Variants in ADCY1 observed in about 807,000 individuals in gnomAD.
The protein encoded by ADCY1 is adenylate cyclase type 1.
A neutral mutation model predicts 105.4 loss-of-function variants in ADCY1; 28 were observed. The observed-to-expected ratio is 0.27, with a 90% CI of 0.20 to 0.36. The LOEUF (loss-of-function observed/expected upper bound fraction) is 0.36. ADCY1 is among the 10% of genes least tolerant of loss of function. ADCY1 has a pLI of 1.00. For synonymous variants in ADCY1, 655 were observed against 623.8 expected (o/e 1.05, Z -0.75); for missense variants, 977 against 1,434.2 (o/e 0.68, Z 5.15).
At chr7:45,602,257 G>C (rs1179607707) in intron 2 of ADCY1, among the ~76,000 whole-genome samples, 2 of 151,842 alleles carry the variant, frequency 1.3e-5, no homozygotes, top group Non-Finnish European at 2.9e-5. Flanking sequence ...GGGGCTTCAG[G>C]GTGTTCATGG....
chr7:45,664,446 C>T, intron 8 of ADCY1: 2 of 1,531,160 alleles, frequency 1.3e-6, no homozygotes, highest in African/African-American at 1.4e-5. Context: ...GCCCTTATCC[C>T]CCAGGGCATT....
Position 45,699,342 on chromosome 7 carries a change from C to T in ADCY1, c.2455-4034C>T, listed in dbSNP as rs914665582. On this transcript the variant is annotated intron_variant, in intron 14 of 19. Transcript: ENST00000297323. ...TTTTCATTCAACGTATGTTGTCCAG[C>T]GGCTTGAGGGTTTGAGGTTGGGTGA... 8.5e-5 allele frequency among the ~76,000 whole-genome samples: 13 copies of T among 152,236 alleles called. No homozygotes were observed. In the East Asian group the frequency reaches 9.7e-4, roughly 11 times the overall value.
rs185908037 is a variant in ADCY1, at chr7:45,656,281, C to A, written c.1149-1446C>A. On this transcript the variant is annotated intron_variant, in intron 5 of 19. Coordinates refer to ENST00000297323, the MANE Select transcript of ADCY1 (RefSeq NM_021116.4). Reference sequence around the variant, plus strand: ...TAGCGCCACTGCACTGCAGCCTGGGCGACAGAGCGAAACTCCGTCTCAAAA... The same window carrying A: ...TAGCGCCACTGCACTGCAGCCTGGGAGACAGAGCGAAACTCCGTCTCAAAA... 4.7e-5 allele frequency among the ~76,000 whole-genome samples: 7 copies of A among 149,916 alleles called. No homozygotes were observed. In the East Asian group the frequency reaches 1.4e-3, roughly 29 times the overall value.
chr7:45,580,706 C>T (rs1355407271), intron 1 of ADCY1, among the ~76,000 whole-genome samples: 2 of 152,190 alleles, frequency 1.3e-5, no homozygotes, highest in Non-Finnish European at 2.9e-5. Context: ...GGGGCGAGTC[C>T]CGCAAAGGCC....
intron 4 of ADCY1, among the ~76,000 whole-genome samples, chr7:45,626,851 A>G (rs1794072881): frequency 6.6e-6 from 1 of 152,186 alleles, no homozygotes; most frequent in Non-Finnish European, 1.5e-5. Context: ...TAGTGCACTA[A>G]TGCCACCACA....
chr7:45,634,002 A>C (rs1290304727), intron 4 of ADCY1, among the ~76,000 whole-genome samples: 1 of 152,080 alleles, frequency 6.6e-6, no homozygotes, highest in African/African-American at 2.4e-5. Context: ...AAAGTTATAC[A>C]TGGATTTTCA....
chr7:45,717,243 C>G lies in ADCY1; in HGVS notation c.*3248C>G, dbSNP rs1785375656. On this transcript the variant is annotated 3_prime_UTR_variant, in exon 20 of 20. Transcript: ENST00000297323. ...CATGCTGCCTTCTCTGGGCTCACGA[C>G]TGTTCTGGAAAGGACCCCATGGCAG... The G allele has an allele frequency of 6.6e-6, 1 of 152,202 alleles. No individual in the cohort carries two copies. Among genetic ancestry groups the G allele is most frequent in the South Asian group, 2.1e-4 (1 of 4,830 alleles). The allele number at this position is 152,202 out of a possible 1,614,324, so 9.4% of individuals were successfully genotyped here. A position where few individuals can be genotyped will look rare whatever the true frequency, so the allele number is the denominator to read the frequency against.
chr7:45,639,160 G>T (rs566223217), intron 4 of ADCY1, among the ~76,000 whole-genome samples: 55 of 152,324 alleles, frequency 3.6e-4, no homozygotes, highest in African/African-American at 1.3e-3. Flanking sequence ...GAACATGTTT[G>T]CCTTAGTCTC....
chr7:45,614,947 T>C (rs1163534966), intron 3 of ADCY1, among the ~76,000 whole-genome samples: 1 of 152,258 alleles, frequency 6.6e-6, no homozygotes, highest in Admixed American at 6.5e-5. Flanking sequence ...TTCAGTAGTC[T>C]ATTTTTGATA....
intron 2 of ADCY1, among the ~76,000 whole-genome samples, chr7:45,603,124 A>G (rs919434562): frequency 1.3e-5 from 2 of 152,248 alleles, no homozygotes; most frequent in African/African-American, 4.8e-5. Flanking sequence ...CATCCAGATC[A>G]TAGCATGTTT....
chr7:45,633,759 G>T (rs750687815), intron 4 of ADCY1, among the ~76,000 whole-genome samples: 8 of 142,480 alleles, frequency 5.6e-5, no homozygotes, highest in Non-Finnish European at 1.0e-4. Context: ...CCGAGATCGT[G>T]CCACTGCACT....
intron 14 of ADCY1, among the ~76,000 whole-genome samples, chr7:45,691,541 T>C (rs976400708): frequency 1.3e-5 from 2 of 152,258 alleles, no homozygotes; most frequent in Non-Finnish European, 2.9e-5. Context: ...CACAAACAGA[T>C]AGGCTTTTCC....
At chr7:45,596,325 T>TG (rs1793071204) in intron 2 of ADCY1, among the ~76,000 whole-genome samples, 1 of 149,694 alleles carries the variant, frequency 6.7e-6, no homozygotes, top group East Asian at 2.0e-4. Flanking sequence ...GGGAGTGGAT[T>TG]GGGGGATGCA....
chr7:45,675,978 C>T (rs1034355827), intron 8 of ADCY1, among the ~76,000 whole-genome samples: 8 of 151,760 alleles, frequency 5.3e-5, no homozygotes, highest in East Asian at 3.9e-4. Context: ...TTCTTCCTTT[C>T]GGGACTCTGA....
intron 4 of ADCY1, among the ~76,000 whole-genome samples, chr7:45,623,452 C>T (rs1208756223): frequency 6.6e-6 from 1 of 152,220 alleles, no homozygotes; most frequent in Non-Finnish European, 1.5e-5. Flanking sequence ...GAGGGGCTGC[C>T]ACTGTCCCCC....
chr7:45,686,652 G>A lies in ADCY1; in HGVS notation c.2433G>A (p.Leu811=). ...HARQVDIRLR[L]DYLWAAQAEE... ...GGCAGGTGGACATCAGGCTGAGGCT[G>A]GACTACCTCTGGGCCGCACAGGCAA... Residue 811 remains leucine, a synonymous_variant, in exon 14 of 20, where the codon CTG becomes CTA. Coordinates refer to ENST00000297323, the MANE Select transcript of ADCY1 (RefSeq NM_021116.4). This position sits in a 1 kb window ranked among gnomAD's most constrained non-coding sequence, Gnocchi z 4.3. The A allele has an allele frequency of 1.2e-6, 2 of 1,612,418 alleles. No homozygotes were observed. The highest frequency in any genetic ancestry group is 2.2e-5 in the East Asian group (1 of 44,838).
intron 8 of ADCY1, among the ~76,000 whole-genome samples, chr7:45,673,652 C>T (rs1326944270): frequency 1.3e-5 from 2 of 151,778 alleles, no homozygotes; most frequent in Non-Finnish European, 2.9e-5. Context: ...AGTGTCTTTT[C>T]ACTCTTATTT....
At position 45,679,718 on chromosome 7, in the gene ADCY1, C is replaced by T. The variant is rs966363789; in HGVS notation, c.1908C>T (p.Val636=). 9.3e-6 allele frequency: 15 copies of T among 1,614,078 alleles called. No homozygotes were observed. Among genetic ancestry groups the T allele is most frequent in the African/African-American group, 4.0e-5 (3 of 74,930 alleles). ...GTTTTCTGTCCCCCAGGAGTGTGGT[C>T]GTCCTGCTCCTGCTAGTATTCTGCA... is the stretch of plus-strand genomic sequence containing the variant. ...VYLLIFPQSV[V]VLLLLVFCIC... Residue 636 remains valine, a synonymous_variant, in exon 11 of 20, where the codon GTC becomes GTT. Coordinates refer to ENST00000297323, the MANE Select transcript of ADCY1 (RefSeq NM_021116.4).
At chr7:45,611,626 G>A (rs1165994762) in intron 3 of ADCY1, among the ~76,000 whole-genome samples, 1 of 140,870 alleles carries the variant, frequency 7.1e-6, no homozygotes, top group Non-Finnish European at 1.5e-5. Context: ...TAGACACTCT[G>A]AGGTTTGCTT....
Sources: allele counts gnomAD v4.1 joint callset (sites outside exome capture counted in the v4.1 genomes callset), GRCh38; gene constraint gnomAD v4.1.1; non-coding constraint Gnocchi (gnomAD v3.1); transcripts MANE v1.5; gene names NCBI Gene and HGNC (gene_info 2026-07-23, HGNC 2026-07-21).